SIPA1L2: variants seen among roughly 807,000 people sequenced by gnomAD.
SIPA1L2 encodes signal induced proliferation associated 1 like 2.
A neutral mutation model predicts 163.9 loss-of-function variants in SIPA1L2; 56 were observed. That is an observed-to-expected ratio of 0.34 (90% CI 0.28 to 0.43). SIPA1L2 has a LOEUF of 0.43. Ranked by LOEUF, SIPA1L2 falls within the 20% of genes least tolerant of loss-of-function variation. The probability of loss-of-function intolerance (pLI) is 1.00; values close to 1 mark genes in which losing one functional copy is unlikely to be tolerated. For missense variants in SIPA1L2, 1,974 were observed against 2,193.5 expected (o/e 0.90, Z 2.00); for synonymous variants, 877 against 865.7 (o/e 1.01, Z -0.23).
intron 10 of SIPA1L2, among the ~76,000 whole-genome samples, chr1:232,457,870 G>A (rs532554469): frequency 6.6e-6 from 1 of 152,352 alleles, no homozygotes; most frequent in Admixed American, 6.5e-5. Flanking sequence ...ATCTGGTTAT[G>A]AGAGGTTGTC....
intron 15 of SIPA1L2, among the ~76,000 whole-genome samples, chr1:232,434,875 C>T (rs1267930309): frequency 3.3e-5 from 5 of 152,192 alleles, no homozygotes; most frequent in Non-Finnish European, 5.9e-5. Flanking sequence ...TTTCAGCATT[C>T]ATTTCCCAAG....
At chr1:232,580,959 C>T (rs1660340339) in intron 1 of SIPA1L2, among the ~76,000 whole-genome samples, 1 of 152,100 alleles carries the variant, frequency 6.6e-6, no homozygotes, top group South Asian at 2.1e-4. Flanking sequence ...TCCTTTGTGC[C>T]CTCACAGCCA....
chr1:232,630,138 C>G (rs1366173589), upstream of SIPA1L2, among the ~76,000 whole-genome samples: 4 of 151,412 alleles, frequency 2.6e-5, no homozygotes, highest in East Asian at 7.8e-4. Flanking sequence ...CAGTCTGCCG[C>G]GCCGGCTCCC....
At chr1:232,570,241 C>A (rs1254543275) in intron 2 of SIPA1L2, among the ~76,000 whole-genome samples, 1 of 152,214 alleles carries the variant, frequency 6.6e-6, no homozygotes, top group African/African-American at 2.4e-5. Context: ...CAGAACAAGT[C>A]TCCCTAATCC....
chr1:232,562,061 C>A (rs1659068300), intron 2 of SIPA1L2, among the ~76,000 whole-genome samples: 1 of 152,156 alleles, frequency 6.6e-6, no homozygotes, highest in Admixed American at 6.5e-5. Context: ...AGACCACCAA[C>A]AAATCCCCAG....
intron 3 of SIPA1L2, among the ~76,000 whole-genome samples, chr1:232,509,996 C>T (rs1666907306): frequency 6.6e-6 from 1 of 152,148 alleles, no homozygotes; most frequent in Non-Finnish European, 1.5e-5. Context: ...ACAAAGTGAC[C>T]TCACGGATTG....
intron 1 of SIPA1L2, among the ~76,000 whole-genome samples, chr1:232,607,559 C>CT (rs2102867313): frequency 6.6e-6 from 1 of 152,246 alleles, no homozygotes; most frequent in Non-Finnish European, 1.5e-5. Flanking sequence ...TTGCACAGAG[C>CT]TTAACCAAGA....
intron 1 of SIPA1L2, among the ~76,000 whole-genome samples, chr1:232,574,649 CTAGTA>C (rs1573108449): frequency 6.6e-6 from 1 of 152,188 alleles, no homozygotes; most frequent in East Asian, 1.9e-4. Context: ...AGTTTTAATT[CTAGTA>C]TAGTAAACAT....
At chr1:232,628,478 C>T (rs1394379544) in intron 1 of SIPA1L2, among the ~76,000 whole-genome samples, 1 of 152,140 alleles carries the variant, frequency 6.6e-6, no homozygotes, top group African/African-American at 2.4e-5. Context: ...AACAGAATGA[C>T]AAAACTAACA....
chr1:232,443,598 G>C lies in SIPA1L2; in HGVS notation c.3437+4C>G, dbSNP rs752687264. 6.3e-7 allele frequency: 1 copy of C among 1,589,254 alleles called. No homozygotes were observed. Among genetic ancestry groups the C allele is most frequent in the South Asian group, 1.1e-5 (1 of 86,970 alleles). ...TGGATAACTAAGATAAAAATGAACA[G>C]TACCCGTCGTAGCCCACTTGTGGTC... On this transcript the variant is annotated splice_donor_region_variant and intron_variant, in intron 12 of 22. Coordinates refer to ENST00000674635, the MANE Select transcript of SIPA1L2 (RefSeq NM_020808.5).
At chr1:232,525,663 A>C (rs1667672184) in intron 2 of SIPA1L2, among the ~76,000 whole-genome samples, 1 of 152,142 alleles carries the variant, frequency 6.6e-6, no homozygotes, top group African/African-American at 2.4e-5. Context: ...ATTAAGAATT[A>C]AGAGCTTTGC....
At chr1:232,551,311 T>C (rs1030863476) in intron 2 of SIPA1L2, among the ~76,000 whole-genome samples, 2 of 152,130 alleles carry the variant, frequency 1.3e-5, no homozygotes. Context: ...TCTTTCTCCA[T>C]CTGTAAGAGA....
chr1:232,518,450 T>C (rs1363095496), intron 2 of SIPA1L2, among the ~76,000 whole-genome samples: 1 of 152,170 alleles, frequency 6.6e-6, no homozygotes, highest in South Asian at 2.1e-4. Context: ...ACTCCTCCCC[T>C]GAGATTTTGC....
intron 1 of SIPA1L2, among the ~76,000 whole-genome samples, chr1:232,608,841 T>C (rs1287150072): frequency 1.3e-5 from 2 of 152,016 alleles, no homozygotes; most frequent in Admixed American, 1.3e-4. Flanking sequence ...GACTGTAAGA[T>C]TCCATTACTC....
intron 1 of SIPA1L2, among the ~76,000 whole-genome samples, chr1:232,620,032 G>A (rs916789063): frequency 3.3e-5 from 5 of 152,076 alleles, no homozygotes; most frequent in Admixed American, 6.5e-5. Flanking sequence ...TTACAGGCAC[G>A]CGCTGCCAAG....
intron 1 of SIPA1L2, among the ~76,000 whole-genome samples, chr1:232,595,818 G>A (rs902884031): frequency 2.0e-5 from 3 of 152,170 alleles, no homozygotes; most frequent in Admixed American, 1.3e-4. Context: ...TCCTTTAAAT[G>A]TTTCAAAGAA....
intron 10 of SIPA1L2, among the ~76,000 whole-genome samples, chr1:232,451,215 T>G (rs1553288382): frequency 6.6e-6 from 1 of 152,170 alleles, no homozygotes; most frequent in Non-Finnish European, 1.5e-5. Flanking sequence ...CCTTAAAGGA[T>G]GCATACAGAA....
rs970434977 is a variant in SIPA1L2 at position 232,551,607 on chromosome 1, A to C, written c.-270+22567T>G. On this transcript the variant is annotated intron_variant, in intron 2 of 22. Transcript: ENST00000674635. ...GGCCCCAGTGGGGGAGGTGAGAAGAAGGCCTGGAAAGACCCTCCAGCCTCC... is the reference window on the plus strand; with the variant it reads ...GGCCCCAGTGGGGGAGGTGAGAAGACGGCCTGGAAAGACCCTCCAGCCTCC... Among the ~76,000 whole-genome samples, 89 of 152,344 alleles carry C rather than the reference A, an allele frequency of 5.8e-4. 1 individual carries two copies. Among genetic ancestry groups the C allele is most frequent in the East Asian group, 9.7e-4 (5 of 5,174 alleles).
At chr1:232,540,619 C>T (rs1437367394) in intron 2 of SIPA1L2, among the ~76,000 whole-genome samples, 1 of 151,430 alleles carries the variant, frequency 6.6e-6, no homozygotes, top group Non-Finnish European at 1.5e-5. Flanking sequence ...GAGAGGACGG[C>T]AGAAAGATAG....
Sources: gnomAD v4.1 joint callset for allele counts (sites outside exome capture counted in the v4.1 genomes callset) on GRCh38, gnomAD v4.1.1 for gene constraint, MANE v1.5 for transcripts, NCBI Gene and HGNC (gene_info 2026-07-23, HGNC 2026-07-21) for gene names.